RBMS3: variants seen among roughly 807,000 people sequenced by gnomAD.
RBMS3 encodes RNA-binding motif, single-stranded-interacting protein 3.
RBMS3 carries 27 observed loss-of-function variants against 66.8 expected under a neutral mutation model. The observed-to-expected ratio is 0.40, with a 90% CI of 0.30 to 0.56. RBMS3 has a LOEUF of 0.56. Ranked by LOEUF, RBMS3 falls within the 20% of genes least tolerant of loss-of-function variation. RBMS3 has a pLI of 0.40. For missense variants in RBMS3, 513 were observed against 549.5 expected (o/e 0.93, Z 0.66); for synonymous variants, 188 against 183.0 (o/e 1.03, Z -0.22).
Position 29,331,815 on chromosome 3 carries a change from CTTTT to C in RBMS3, c.75+50081_75+50084del, listed in dbSNP as rs11354452. ...AACTTACTCAAACCCAGGATAGCTC[CTTTT>C]TTTTTTTTTTTTTTTTTTTTTCCGT... On this transcript the variant is annotated intron_variant, in intron 1 of 14. Transcript: ENST00000383767. 6.1e-3 allele frequency among the ~76,000 whole-genome samples: 422 copies of C among 69,706 alleles called. 3 individuals carry two copies. Among genetic ancestry groups the C allele is most frequent in the African/African-American group, 0.025 (401 of 16,158 alleles). 45.7% of individuals were successfully genotyped at this position (69,706 alleles called of 152,430 possible).
chr3:29,463,535 C>T (rs114234599), intron 2 of RBMS3, among the ~76,000 whole-genome samples: 180 of 150,748 alleles, frequency 1.2e-3, no homozygotes, highest in African/African-American at 4.3e-3. Context: ...AACGATTACT[C>T]ATGGTCCTTC....
At chr3:29,889,970 G>C (rs867631954) in intron 8 of RBMS3, among the ~76,000 whole-genome samples, 1 of 151,590 alleles carries the variant, frequency 6.6e-6, no homozygotes, top group South Asian at 2.1e-4. Flanking sequence ...AACTACCCAT[G>C]AGTTTCTCTG....
intron 6 of RBMS3, among the ~76,000 whole-genome samples, chr3:29,833,017 G>A (rs2058414601): frequency 6.6e-6 from 1 of 152,142 alleles, no homozygotes; most frequent in Non-Finnish European, 1.5e-5. Context: ...ACAAATGGGA[G>A]GTTCTCAGAA....
intron 4 of RBMS3, among the ~76,000 whole-genome samples, chr3:29,610,921 C>G (rs1447248667): frequency 6.6e-6 from 1 of 151,788 alleles, no homozygotes; most frequent in African/African-American, 2.4e-5. Context: ...TCTGCCTTTC[C>G]TTAAGGGAAA....
At chr3:29,367,300 C>G (rs922197927) in intron 1 of RBMS3, among the ~76,000 whole-genome samples, 1 of 151,926 alleles carries the variant, frequency 6.6e-6, no homozygotes, top group Non-Finnish European at 1.5e-5. Flanking sequence ...TATATCTATG[C>G]TAAAACATAT....
At chr3:29,691,016 A>G (rs1238913218) in intron 4 of RBMS3, among the ~76,000 whole-genome samples, 2 of 152,210 alleles carry the variant, frequency 1.3e-5, no homozygotes, top group Non-Finnish European at 2.9e-5. Flanking sequence ...AGGTTTATAC[A>G]TGTTTGGAGG....
intron 1 of RBMS3, among the ~76,000 whole-genome samples, chr3:29,289,607 A>G (rs897873603): frequency 2.6e-5 from 4 of 151,958 alleles, no homozygotes; most frequent in African/African-American, 7.2e-5. Flanking sequence ...AGGAAAATAA[A>G]AAGTAAATGG....
rs925074996 is a variant in RBMS3 at position 29,340,822 on chromosome 3, T to C, written c.75+59066T>C. 5.9e-5 allele frequency among the ~76,000 whole-genome samples: 9 copies of C among 152,260 alleles called. No individual in the cohort carries two copies. In the South Asian group the frequency reaches 6.2e-4, roughly 11 times the overall value. On this transcript the variant is annotated intron_variant, in intron 1 of 14. Transcript: ENST00000383767. ...GTGACATAGCAGAAATGGTAGCAAATAAAGTACATTTTATATTTTCTATCC... is the reference window on the plus strand; with the variant it reads ...GTGACATAGCAGAAATGGTAGCAAACAAAGTACATTTTATATTTTCTATCC...
chr3:29,580,675 T>TTAA (rs1362177178), intron 3 of RBMS3, among the ~76,000 whole-genome samples: 1 of 139,578 alleles, frequency 7.2e-6, no homozygotes, highest in East Asian at 2.0e-4. Context: ...CTTAGTAAAT[T>TTAA]TAATAATATA....
At chr3:29,906,459 C>A (rs1183419831) in intron 10 of RBMS3, among the ~76,000 whole-genome samples, 1 of 151,318 alleles carries the variant, frequency 6.6e-6, no homozygotes, top group Non-Finnish European at 1.5e-5. Context: ...CAACATTAAT[C>A]CATTCATGAG....
At chr3:29,790,760 C>A (rs577905082) in intron 6 of RBMS3, among the ~76,000 whole-genome samples, 1 of 152,192 alleles carries the variant, frequency 6.6e-6, no homozygotes, top group South Asian at 2.1e-4. Context: ...AGTCAGTTAT[C>A]GGGATTTTGA....
At chr3:29,801,590 TGGCTTGAGAAGGAAAATCCAAATATTTCA>T (rs2057393423) in intron 6 of RBMS3, among the ~76,000 whole-genome samples, 1 of 152,154 alleles carries the variant, frequency 6.6e-6, no homozygotes, top group Non-Finnish European at 1.5e-5. Flanking sequence ...CTTAGCTTCC[TGGCTTGAGAAGGAAAATCCAAATATTTCA>T]TTTATTTTTT....
chr3:29,954,699 T>G (rs1173081685), intron 12 of RBMS3, among the ~76,000 whole-genome samples: 1 of 152,020 alleles, frequency 6.6e-6, no homozygotes, highest in Non-Finnish European at 1.5e-5. Context: ...TAGATCCTAT[T>G]TCTACAATGT....
chr3:29,290,152 C>T lies in RBMS3; in HGVS notation c.75+8396C>T, dbSNP rs190780303. Among the ~76,000 whole-genome samples the T allele has an allele frequency of 4.9e-3, 750 of 151,900 alleles. 2 individuals are homozygous for T. Among genetic ancestry groups the T allele is most frequent in the South Asian group, 0.014 (68 of 4,828 alleles). On this transcript the variant is annotated intron_variant, in intron 1 of 14. Transcript: ENST00000383767. ...TCGATGTCTGTAAATTCTCATGTTG[C>T]TTCTTTTAACACTTGTCAATCATAT...
At chr3:29,563,217 A>G (rs1188431766) in intron 3 of RBMS3, among the ~76,000 whole-genome samples, 1 of 152,254 alleles carries the variant, frequency 6.6e-6, no homozygotes, top group Admixed American at 6.5e-5. Context: ...ATAGGTCTAC[A>G]GAAAAGAATG....
intron 6 of RBMS3, among the ~76,000 whole-genome samples, chr3:29,838,348 A>T (rs1390219383): frequency 6.6e-6 from 1 of 152,020 alleles, no homozygotes; most frequent in East Asian, 1.9e-4. Flanking sequence ...AAAAATAAAT[A>T]AAATAAATAA....
chr3:29,489,765 C>T lies in RBMS3; in HGVS notation c.307+1266C>T, dbSNP rs1385690263. ...AAAAAAAAAAAAAAAAAAAGTACTG[C>T]TGGGCGCGGTGGCTCACGCCTATAA... On this transcript the variant is annotated intron_variant, in intron 3 of 14. Coordinates refer to ENST00000383767, the MANE Select transcript of RBMS3 (RefSeq NM_001003793.3). 2.0e-5 allele frequency among the ~76,000 whole-genome samples: 3 copies of T among 146,866 alleles called. 1 individual carries two copies. The highest frequency in any genetic ancestry group is 7.5e-5 in the African/African-American group (3 of 39,888).
At chr3:29,615,470 GCACACA>G (rs112880454) in intron 4 of RBMS3, among the ~76,000 whole-genome samples, 1 of 144,416 alleles carries the variant, frequency 6.9e-6, no homozygotes, top group Non-Finnish European at 1.5e-5. Context: ...ACTACAGTTA[GCACACA>G]CACACACACA....
At chr3:29,438,996 G>C (rs1328859215) in intron 2 of RBMS3, among the ~76,000 whole-genome samples, 1 of 152,192 alleles carries the variant, frequency 6.6e-6, no homozygotes, top group African/African-American at 2.4e-5. Context: ...ATTGAGCTAA[G>C]ATTAGAAGGA....
Sources: gnomAD v4.1 joint callset for allele counts (sites outside exome capture counted in the v4.1 genomes callset) on GRCh38, gnomAD v4.1.1 for gene constraint, MANE v1.5 for transcripts, NCBI Gene and HGNC (gene_info 2026-07-23, HGNC 2026-07-21) for gene names.